DPYSL2: variants seen among roughly 807,000 people sequenced by gnomAD.
DPYSL2 encodes dihydropyrimidinase like 2.
A neutral mutation model predicts 69.9 loss-of-function variants in DPYSL2; 13 were observed. The ratio of observed to expected loss-of-function variants is 0.19; its 90% CI spans 0.12 to 0.30. The LOEUF (loss-of-function observed/expected upper bound fraction) is 0.30, where lower values mean the gene tolerates loss of function less well. DPYSL2 is among the 10% of genes least tolerant of loss of function. DPYSL2 has a pLI of 1.00. For missense variants in DPYSL2, 587 were observed against 918.9 expected, an observed-to-expected ratio of 0.64 and a Z score of 4.67; for synonymous variants, 326 against 359.1, an observed-to-expected ratio of 0.91 and a Z score of 1.04.
chr8:26,593,794 C>T lies in DPYSL2; in HGVS notation c.628+9811C>T, dbSNP rs963848306. 1.3e-5 allele frequency among the ~76,000 whole-genome samples: 2 copies of T among 152,158 alleles called. No homozygotes were observed. The highest frequency in any genetic ancestry group is 4.1e-4 in the South Asian group (2 of 4,834). On this transcript the variant is annotated intron_variant, in intron 3 of 13. Transcript: ENST00000521913. This position sits in a 1 kb window ranked among gnomAD's most constrained non-coding sequence, Gnocchi z 5.7. ...ACTGCTGTCCCCAGCCTGTGGCCAC[C>T]TGCTGTGCTGGTTTCCCTGAGAAAA... is the stretch of plus-strand genomic sequence containing the variant.
rs1803048224 is a variant in DPYSL2, at chr8:26,641,594, G to T, written c.1127-1845G>T. Among the ~76,000 whole-genome samples the T allele has an allele frequency of 6.6e-6, 1 of 152,256 alleles. No individual in the cohort carries two copies. The highest frequency in any genetic ancestry group is 1.5e-5 in the Non-Finnish European group (1 of 68,050). On this transcript the variant is annotated intron_variant, in intron 8 of 13. Transcript: ENST00000521913. The surrounding 1 kb of genome is among the most constrained non-coding windows in gnomAD (Gnocchi z 4.1). ...ACTTCGGGATGAACCGGAGTGGTTTGTGCAGCCACCTGATAGCTCTTTGCA... is the reference window on the plus strand; with the variant it reads ...ACTTCGGGATGAACCGGAGTGGTTTTTGCAGCCACCTGATAGCTCTTTGCA...
In DPYSL2 at chr8:26,643,267, G is replaced by A. The variant is rs1803092432; in HGVS notation, c.1127-172G>A. ...GGGAGCTCATGACAGGCTGGCAGAG[G>A]TACTGAATTTCTCCAAGTCTCAGTT... On this transcript the variant is annotated intron_variant, in intron 8 of 13. Transcript: ENST00000521913. This position sits in a 1 kb window ranked among gnomAD's most constrained non-coding sequence, Gnocchi z 6.5. The A allele has an allele frequency of 1.6e-6, 1 of 621,124 alleles. No individual in the cohort carries two copies. The highest frequency in any genetic ancestry group is 2.6e-6 in the Non-Finnish European group (1 of 383,618). The allele number at this position is 621,124 out of a possible 1,614,324, so 38.5% of individuals were successfully genotyped here.
In DPYSL2 at chr8:26,556,898, A is replaced by G. The variant is rs555924996; in HGVS notation, c.355-25071A>G. On this transcript the variant is annotated intron_variant, in intron 1 of 13. Transcript: ENST00000521913. The stretch of plus-strand genomic sequence containing the variant: ...GATAAACAGATCAAGGGAAGAGAGC[A>G]GAGAGCCCAGAAGGGGACCCACACA... Among the ~76,000 whole-genome samples the G allele has an allele frequency of 2.7e-4, 41 of 152,316 alleles. No homozygotes were observed. In the South Asian group the frequency reaches 8.1e-3, roughly 30 times the overall value.
In DPYSL2 at chr8:26,621,736, G is replaced by T. The variant is rs1470983689; in HGVS notation, c.629-2407G>T. ...GAGAGAGAGGGCTGCTTGTGCACAGGCTTGGAGTTGCCCAGGGGTTGGGCA... is the reference window on the plus strand; with the variant it reads ...GAGAGAGAGGGCTGCTTGTGCACAGTCTTGGAGTTGCCCAGGGGTTGGGCA... On this transcript the variant is annotated intron_variant, in intron 3 of 13. Transcript: ENST00000521913. This position sits in a 1 kb window ranked among gnomAD's most constrained non-coding sequence, Gnocchi z 4.9. 6.6e-6 allele frequency among the ~76,000 whole-genome samples: 1 copy of T among 152,142 alleles called. No homozygotes were observed. The highest frequency in any genetic ancestry group is 1.9e-4 in the East Asian group (1 of 5,178).
intron 3 of DPYSL2, among the ~76,000 whole-genome samples, chr8:26,595,024 A>AAATCAATCAATC (rs4055147): frequency 2.0e-5 from 3 of 150,972 alleles, no homozygotes; most frequent in African/African-American, 7.3e-5. Flanking sequence ...GTCTCTACCA[A>AAATCAATCAATC]AATCAATCAA....
chr8:26,644,232 C>A lies in DPYSL2; in HGVS notation c.1425+141C>A. On this transcript the variant is annotated intron_variant, in intron 10 of 13. Transcript: ENST00000521913. This position sits in a 1 kb window ranked among gnomAD's most constrained non-coding sequence, Gnocchi z 4.5. The stretch of plus-strand genomic sequence containing the variant: ...AGCCAGTACTTATATGACAATATTT[C>A]TGAGGGTTGGAAATCTAAGACCTCT... 1 of 1,012,706 alleles carries A rather than the reference C, an allele frequency of 9.9e-7. No homozygotes were observed. Among genetic ancestry groups the A allele is most frequent in the Non-Finnish European group, 1.4e-6 (1 of 730,472 alleles). The allele number at this position is 1,012,706 out of a possible 1,614,324, so 62.7% of individuals were successfully genotyped here.
chr8:26,648,864 G>A lies in DPYSL2; in HGVS notation c.1596+1064G>A, dbSNP rs577617161. 1.3e-5 allele frequency among the ~76,000 whole-genome samples: 2 copies of A among 152,352 alleles called. No individual in the cohort carries two copies. Among genetic ancestry groups the A allele is most frequent in the South Asian group, 2.1e-4 (1 of 4,826 alleles). ...TCTGCCACCTGTGAGGACCAGGGTG[G>A]TGGGTGTTTCTCAGAAGACTGTTCA... On this transcript the variant is annotated intron_variant, in intron 11 of 13. Coordinates refer to ENST00000521913, the MANE Select transcript of DPYSL2 (RefSeq NM_001197293.3). The surrounding 1 kb of genome is among the most constrained non-coding windows in gnomAD (Gnocchi z 4.3).
At chr8:26,596,749 G>C (rs1254203073) in intron 3 of DPYSL2, among the ~76,000 whole-genome samples, 1 of 152,228 alleles carries the variant, frequency 6.6e-6, no homozygotes, top group East Asian at 1.9e-4. Context: ...CACAGAGCCT[G>C]CAAGTGCGAG....
intron 1 of DPYSL2, among the ~76,000 whole-genome samples, chr8:26,539,757 C>A (rs1465713056): frequency 6.6e-6 from 1 of 152,130 alleles, no homozygotes; most frequent in Non-Finnish European, 1.5e-5. Flanking sequence ...CACCACCATG[C>A]CCTTCCTGAA....
chr8:26,525,193 A>G (rs1384018267), intron 1 of DPYSL2, among the ~76,000 whole-genome samples: 1 of 152,096 alleles, frequency 6.6e-6, no homozygotes, highest in Non-Finnish European at 1.5e-5. Context: ...TTCTCCTAAA[A>G]TCTTTTTGAA....
chr8:26,523,442 A>G (rs1808422910), intron 1 of DPYSL2, among the ~76,000 whole-genome samples: 1 of 152,092 alleles, frequency 6.6e-6, no homozygotes, highest in African/African-American at 2.4e-5. Flanking sequence ...CAAAACTGAA[A>G]CTTTGTACCC....
chr8:26,611,942 G>T (rs1395926017), intron 3 of DPYSL2, among the ~76,000 whole-genome samples: 2 of 152,216 alleles, frequency 1.3e-5, no homozygotes, highest in South Asian at 4.1e-4. Flanking sequence ...CCTGGGCTGG[G>T]AATCGCTTAG....
intron 3 of DPYSL2, among the ~76,000 whole-genome samples, chr8:26,603,119 G>A (rs1317878154): frequency 6.6e-6 from 1 of 152,064 alleles, no homozygotes; most frequent in Non-Finnish European, 1.5e-5. Context: ...CTGGGCAAGT[G>A]ACTTTTCATT....
intron 1 of DPYSL2, among the ~76,000 whole-genome samples, chr8:26,581,219 T>A (rs1756661826): frequency 6.6e-6 from 1 of 152,178 alleles, no homozygotes; most frequent in Non-Finnish European, 1.5e-5. Flanking sequence ...TGTATTTGTG[T>A]GGTATATCCC....
rs1042117184 is a variant in DPYSL2 at position 26,516,970 on chromosome 8, G to T, written c.354+2291G>T. On this transcript the variant is annotated intron_variant, in intron 1 of 13. Transcript: ENST00000521913. This position sits in a 1 kb window ranked among gnomAD's most constrained non-coding sequence, Gnocchi z 4.8. Reference sequence around the variant, plus strand: ...AAAAGCTCAACTGGCCCACCATTTTGACTGAGTTGACTTGTCATTAGTTGG... The same window carrying T: ...AAAAGCTCAACTGGCCCACCATTTTTACTGAGTTGACTTGTCATTAGTTGG... Among the ~76,000 whole-genome samples, 5 of 152,152 alleles carry T rather than the reference G, an allele frequency of 3.3e-5. No individual in the cohort carries two copies. The highest frequency in any genetic ancestry group is 1.3e-4 in the Admixed American group (2 of 15,278).
chr8:26,602,877 G>A (rs529810555), intron 3 of DPYSL2, among the ~76,000 whole-genome samples: 1 of 152,322 alleles, frequency 6.6e-6, no homozygotes, highest in South Asian at 2.1e-4. Context: ...AATCTGCCTG[G>A]GAGAGCCAAG....
At chr8:26,601,543 A>G (rs1389942345) in intron 3 of DPYSL2, among the ~76,000 whole-genome samples, 1 of 152,006 alleles carries the variant, frequency 6.6e-6, no homozygotes, top group East Asian at 1.9e-4. Context: ...ATGCCCGGCT[A>G]ATTTTTTGTA....
Position 26,648,149 on chromosome 8 carries a change from G to C in DPYSL2, c.1596+349G>C, listed in dbSNP as rs1473376970. Among the ~76,000 whole-genome samples the C allele has an allele frequency of 6.6e-6, 1 of 152,140 alleles. No individual in the cohort carries two copies. Among genetic ancestry groups the C allele is most frequent in the Non-Finnish European group, 1.5e-5 (1 of 68,026 alleles). ...CTTCTCATGGCAGTACTTGGTGCAAGGGACCTCAATGAAGCAGTGAGATGT... is the reference window on the plus strand; with the variant it reads ...CTTCTCATGGCAGTACTTGGTGCAACGGACCTCAATGAAGCAGTGAGATGT... On this transcript the variant is annotated intron_variant, in intron 11 of 13. Transcript: ENST00000521913. The surrounding 1 kb of genome is among the most constrained non-coding windows in gnomAD (Gnocchi z 4.3).
chr8:26,584,823 TAGTC>T (rs952246027), intron 3 of DPYSL2, among the ~76,000 whole-genome samples: 6 of 152,156 alleles, frequency 3.9e-5, no homozygotes, highest in African/African-American at 1.2e-4. Context: ...TCTTCCATGT[TAGTC>T]AGGCTGGTCT....
Sources: gnomAD v4.1 joint callset for allele counts (sites outside exome capture counted in the v4.1 genomes callset) on GRCh38, gnomAD v4.1.1 for gene constraint, Gnocchi (gnomAD v3.1) non-coding constraint, MANE v1.5 for transcripts, NCBI Gene and HGNC (gene_info 2026-07-23, HGNC 2026-07-21) for gene names.